The following METAP1 variants were observed in gnomAD, a reference collection of about 807,000 sequenced individuals.
METAP1 encodes methionyl aminopeptidase 1.
In METAP1, 28 loss-of-function variants were observed where a neutral mutation model predicts 53.8. That is an observed-to-expected ratio of 0.52 (90% CI 0.39 to 0.71). The LOEUF (loss-of-function observed/expected upper bound fraction) is 0.71, where lower values mean the gene tolerates loss of function less well. Among genes scored for constraint, METAP1 ranks in the 30% least tolerant of loss-of-function variants. The pLI is 0.00. For synonymous variants in METAP1, 181 were observed against 165.7 expected (o/e 1.09, Z -0.71); for missense variants, 389 against 479.8 (o/e 0.81, Z 1.77).
At chr4:99,003,349 C>A (rs1473360495) in intron 1 of METAP1, among the ~76,000 whole-genome samples, 1 of 152,168 alleles carries the variant, frequency 6.6e-6, no homozygotes, top group Non-Finnish European at 1.5e-5. Context: ...TGAAGGTTAA[C>A]CCTGTCTTAT....
intron 1 of METAP1, among the ~76,000 whole-genome samples, chr4:99,010,540 C>T (rs1723416711): frequency 6.6e-6 from 1 of 152,142 alleles, no homozygotes; most frequent in African/African-American, 2.4e-5. Context: ...GTCTGTGTAT[C>T]TGTTTTTATG....
At chr4:99,014,931 G>A (rs1413539162) in intron 1 of METAP1, among the ~76,000 whole-genome samples, 2 of 152,224 alleles carry the variant, frequency 1.3e-5, no homozygotes, top group East Asian at 3.9e-4. Flanking sequence ...TGCCCTGGAA[G>A]ATGGAGGCTG....
intron 1 of METAP1, among the ~76,000 whole-genome samples, chr4:98,996,789 G>A (rs1489400420): frequency 6.6e-6 from 1 of 152,186 alleles, no homozygotes; most frequent in Non-Finnish European, 1.5e-5. Flanking sequence ...CAATAGTATG[G>A]CTCTTAGTTA....
chr4:99,057,923 C>A, intron 10 of METAP1, 105 bp downstream of exon 10: 1 of 933,118 alleles, frequency 1.1e-6, no homozygotes, highest in Non-Finnish European at 1.6e-6. Context: ...TTGCTTCCTA[C>A]TCACTCCCTG....
At chr4:99,048,226 A>G (rs1726415300) in intron 8 of METAP1, among the ~76,000 whole-genome samples, 1 of 152,220 alleles carries the variant, frequency 6.6e-6, no homozygotes, top group Admixed American at 6.5e-5. Context: ...TTTGGCATGA[A>G]AGGAGGAACT....
chr4:99,029,366 C>G (rs1172203418), intron 2 of METAP1, among the ~76,000 whole-genome samples: 1 of 152,106 alleles, frequency 6.6e-6, no homozygotes, highest in Non-Finnish European at 1.5e-5. Flanking sequence ...ATGTTATTAC[C>G]TGCAGTCTTA....
At chr4:99,043,165 T>C (rs1725998072) in intron 6 of METAP1, 84 bp from the exon 7 acceptor site, 2 of 1,052,484 alleles carry the variant, frequency 1.9e-6, no homozygotes, top group Non-Finnish European at 2.7e-6. Flanking sequence ...TCCAACTGTT[T>C]TCACATTTTT....
rs184876789 is a variant in METAP1, at chr4:99,015,379, C to G, written c.115-13488C>G. On this transcript the variant is annotated intron_variant, in intron 1 of 10. Coordinates refer to ENST00000296411, the MANE Select transcript of METAP1 (RefSeq NM_015143.3). ...GGGAGAAGGCGTATTTCAAACCTCC[C>G]TATCGGATCCTTCCCCTTTGACATT... Among the ~76,000 whole-genome samples, 48 of 152,288 alleles carry G rather than the reference C, an allele frequency of 3.2e-4. 1 individual carries two copies. The highest frequency in any genetic ancestry group is 1.0e-3 in the Admixed American group (16 of 15,292).
intron 5 of METAP1, among the ~76,000 whole-genome samples, chr4:99,040,112 G>T (rs570006154): frequency 6.6e-6 from 1 of 152,304 alleles, no homozygotes; most frequent in African/African-American, 2.4e-5. Context: ...AATTAATCTG[G>T]TGGATAGTCT....
intron 1 of METAP1, among the ~76,000 whole-genome samples, chr4:99,009,217 G>A (rs889392101): frequency 3.3e-5 from 5 of 152,182 alleles, no homozygotes; most frequent in African/African-American, 1.2e-4. Context: ...TTGTAAGGCT[G>A]CATAGTATTT....
intron 10 of METAP1, among the ~76,000 whole-genome samples, 198 bp downstream of exon 10, chr4:99,058,016 T>C (rs1727276174): frequency 1.3e-5 from 2 of 152,194 alleles, no homozygotes; most frequent in Non-Finnish European, 2.9e-5. Context: ...TGCGTGGTAG[T>C]CTTCTGTCAG....
At chr4:99,037,755 C>T (rs1215510500) in intron 4 of METAP1, 1 of 151,914 alleles carries the variant, frequency 6.6e-6, no homozygotes, top group Non-Finnish European at 1.5e-5. Flanking sequence ...CCCTACCTTT[C>T]CTCTTTTTCA....
At chr4:99,017,188 C>G (rs189798296) in intron 1 of METAP1, among the ~76,000 whole-genome samples, 2 of 152,322 alleles carry the variant, frequency 1.3e-5, no homozygotes, top group African/African-American at 2.4e-5. Flanking sequence ...ATTTAAAACA[C>G]AAGTCACTAA....
chr4:99,015,984 C>T (rs570453585), intron 1 of METAP1, among the ~76,000 whole-genome samples: 9 of 152,260 alleles, frequency 5.9e-5, no homozygotes, highest in South Asian at 4.2e-4. Context: ...CACCCCTTCT[C>T]GGCAGTGCGA....
chr4:98,999,778 T>C (rs1305357487), intron 1 of METAP1, among the ~76,000 whole-genome samples: 1 of 152,012 alleles, frequency 6.6e-6, no homozygotes, highest in Non-Finnish European at 1.5e-5. Flanking sequence ...CCCAAAGTGC[T>C]AGGATTACAG....
chr4:99,042,516 G>A (rs1392712952), intron 6 of METAP1, among the ~76,000 whole-genome samples: 1 of 151,986 alleles, frequency 6.6e-6, no homozygotes. Context: ...ATGTTTTTCT[G>A]TTAGGAGTTC....
intron 1 of METAP1, among the ~76,000 whole-genome samples, chr4:99,009,013 A>C (rs1723332812): frequency 6.6e-6 from 1 of 152,204 alleles, no homozygotes; most frequent in African/African-American, 2.4e-5. Flanking sequence ...TGAACTCCAT[A>C]GCCCTATAAC....
intron 1 of METAP1, among the ~76,000 whole-genome samples, chr4:99,002,748 A>C (rs921426373): frequency 3.0e-4 from 45 of 152,140 alleles, no homozygotes; most frequent in African/African-American, 1.1e-3. Context: ...GATACACCAG[A>C]GCTGTGCCAT....
chr4:99,035,308 A>C (rs1231348707), intron 3 of METAP1, 92 bp from the exon 4 acceptor site: 1 of 865,072 alleles, frequency 1.2e-6, no homozygotes, highest in Non-Finnish European at 1.9e-6. Context: ...GATGCCATTT[A>C]AAACTTCTAA....
Sources: allele counts gnomAD v4.1 joint callset (sites outside exome capture counted in the v4.1 genomes callset), GRCh38; gene constraint gnomAD v4.1.1; transcripts MANE v1.5; gene names NCBI Gene and HGNC (gene_info 2026-07-23, HGNC 2026-07-21).